RBFOX1: variants seen among roughly 807,000 people sequenced by gnomAD.
RBFOX1 encodes RNA binding protein fox-1 homolog 1.
In RBFOX1, 8 loss-of-function variants were observed where a neutral mutation model predicts 57.7. That is an observed-to-expected ratio of 0.14 (90% CI 0.08 to 0.25). The LOEUF (loss-of-function observed/expected upper bound fraction) is 0.25. RBFOX1 is among the 10% of genes least tolerant of loss of function. RBFOX1 has a pLI of 1.00. For missense variants in RBFOX1, 611 were observed against 548.5 expected, an observed-to-expected ratio of 1.11 and a Z score of -1.14; for synonymous variants, 326 against 222.4, an observed-to-expected ratio of 1.47 and a Z score of -4.15.
At chr16:6,099,550 C>A (rs539318729) in intron 1 of RBFOX1, among the ~76,000 whole-genome samples, 2 of 152,230 alleles carry the variant, frequency 1.3e-5, no homozygotes, top group Admixed American at 6.5e-5. Flanking sequence ...AGAGCAATTG[C>A]CTAATGGTTG....
intron 3 of RBFOX1, among the ~76,000 whole-genome samples, chr16:7,048,543 G>A (rs8054433): frequency 0.12 from 18,741 of 152,222 alleles, 1,963 homozygotes; most frequent in East Asian, 0.28. Flanking sequence ...ACAGGCGTGA[G>A]CCACCGCGCC....
At chr16:5,940,345 C>T (rs1162125051) in intron 4 of RBFOX1, among the ~76,000 whole-genome samples, 1 of 152,096 alleles carries the variant, frequency 6.6e-6, no homozygotes, top group Non-Finnish European at 1.5e-5. Flanking sequence ...CTCGTTTTTC[C>T]AGGCATGCCC....
At chr16:7,045,603 C>A (rs940988938) in intron 3 of RBFOX1, among the ~76,000 whole-genome samples, 1 of 151,974 alleles carries the variant, frequency 6.6e-6, no homozygotes, top group Non-Finnish European at 1.5e-5. Context: ...TCTGGCAAAT[C>A]CTTGTGATAT....
chr16:6,015,623 G>C (rs1240369818), upstream of RBFOX1, among the ~76,000 whole-genome samples: 3 of 152,130 alleles, frequency 2.0e-5, no homozygotes, highest in East Asian at 5.8e-4. Flanking sequence ...GAACAGATTT[G>C]CTGTTCCTAG....
intron 4 of RBFOX1, among the ~76,000 whole-genome samples, chr16:5,953,315 G>T (rs1395588525): frequency 6.6e-6 from 1 of 152,166 alleles, no homozygotes; most frequent in Non-Finnish European, 1.5e-5. Context: ...AATATTGCAT[G>T]GGCATACTTT....
chr16:7,175,452 T>C (rs530896498), intron 4 of RBFOX1, among the ~76,000 whole-genome samples: 2 of 152,274 alleles, frequency 1.3e-5, no homozygotes, highest in East Asian at 1.9e-4. Context: ...CCTCCCCCTT[T>C]AACGTGGATT....
chr16:6,395,633 A>AT (rs1340190739), intron 2 of RBFOX1, among the ~76,000 whole-genome samples: 1 of 152,146 alleles, frequency 6.6e-6, no homozygotes, highest in Non-Finnish European at 1.5e-5. Context: ...GGATTATTGC[A>AT]TCTTGGGAAA....
intron 14 of RBFOX1, among the ~76,000 whole-genome samples, chr16:7,681,979 A>C (rs1479034194): frequency 1.3e-5 from 2 of 152,136 alleles, no homozygotes; most frequent in African/African-American, 2.4e-5. Context: ...GTATCTCCCA[A>C]GGCCAGTTCA....
intron 4 of RBFOX1, among the ~76,000 whole-genome samples, chr16:5,926,617 C>G (rs2058945955): frequency 6.6e-6 from 1 of 152,142 alleles, no homozygotes; most frequent in Admixed American, 6.5e-5. Flanking sequence ...ACCTAAATCT[C>G]AATCTCTTCA....
At chr16:7,115,432 A>G (rs1295818641) in intron 4 of RBFOX1, among the ~76,000 whole-genome samples, 1 of 152,232 alleles carries the variant, frequency 6.6e-6, no homozygotes, top group Non-Finnish European at 1.5e-5. Flanking sequence ...TTGCTATGTA[A>G]TTACCACCTC....
intron 4 of RBFOX1, among the ~76,000 whole-genome samples, chr16:7,380,360 A>C (rs947970156): frequency 1.3e-5 from 2 of 152,218 alleles, no homozygotes; most frequent in Non-Finnish European, 2.9e-5. Flanking sequence ...TATTTTGTGC[A>C]TATTAAAAAT....
chr16:5,608,256 G>C (rs1024748160), intron 3 of RBFOX1, among the ~76,000 whole-genome samples: 4 of 152,182 alleles, frequency 2.6e-5, no homozygotes, highest in Non-Finnish European at 4.4e-5. Flanking sequence ...TTGAGTCTCA[G>C]CTGACTGGGT....
At chr16:5,747,370 C>G (rs902687711) in intron 3 of RBFOX1, among the ~76,000 whole-genome samples, 6 of 152,156 alleles carry the variant, frequency 3.9e-5, no homozygotes, top group East Asian at 1.9e-4. Context: ...CTCTGCCAGG[C>G]TTTGGTATCA....
chr16:5,968,456 T>C (rs1229198358), intron 4 of RBFOX1, among the ~76,000 whole-genome samples: 1 of 152,214 alleles, frequency 6.6e-6, no homozygotes, highest in East Asian at 1.9e-4. Flanking sequence ...ATATCCTTTC[T>C]GTGTGTAGGT....
At chr16:6,445,664 C>T (rs368337452) in intron 2 of RBFOX1, among the ~76,000 whole-genome samples, 2 of 150,564 alleles carry the variant, frequency 1.3e-5, no homozygotes, top group South Asian at 2.1e-4. Context: ...CTCACAGCAA[C>T]CTCCACCCCC....
chr16:5,334,049 G>A (rs1343878875), intron 1 of RBFOX1, among the ~76,000 whole-genome samples: 1 of 152,108 alleles, frequency 6.6e-6, no homozygotes, highest in Non-Finnish European at 1.5e-5. Flanking sequence ...GGTGCTTCTG[G>A]CCGATTTCTG....
chr16:6,530,303 G>A (rs1167483461), intron 2 of RBFOX1, among the ~76,000 whole-genome samples: 5 of 152,060 alleles, frequency 3.3e-5, no homozygotes, highest in African/African-American at 1.2e-4. Context: ...CTCTTATTTG[G>A]CATGGTAAGC....
chr16:6,193,616 C>G (rs1430863483), intron 1 of RBFOX1, among the ~76,000 whole-genome samples: 3 of 151,490 alleles, frequency 2.0e-5, no homozygotes, highest in Non-Finnish European at 2.9e-5. Context: ...ATAAAACAGG[C>G]AAAGCATTCA....
At chr16:7,419,848 T>C (rs1183552544) in intron 4 of RBFOX1, among the ~76,000 whole-genome samples, 1 of 152,142 alleles carries the variant, frequency 6.6e-6, no homozygotes, top group Non-Finnish European at 1.5e-5. Flanking sequence ...TCCTTTTTTT[T>C]CTTTTCTCCA....
Sources: gnomAD v4.1 joint callset for allele counts (sites outside exome capture counted in the v4.1 genomes callset) on GRCh38, gnomAD v4.1.1 for gene constraint, MANE v1.5 for transcripts, NCBI Gene and HGNC (gene_info 2026-07-23, HGNC 2026-07-21) for gene names.